The following ARID4B variants were observed in gnomAD, a reference collection of about 807,000 sequenced individuals.
ARID4B encodes AT-rich interaction domain 4B.
In ARID4B, 26 loss-of-function variants were observed where a neutral mutation model predicts 147.5. The ratio of observed to expected loss-of-function variants is 0.18; its 90% CI spans 0.13 to 0.24. ARID4B has a LOEUF of 0.24. Ranked by LOEUF, ARID4B falls within the 10% of genes least tolerant of loss-of-function variation. ARID4B has a pLI of 1.00. For missense variants in ARID4B, 1,179 were observed against 1,511.5 expected, an observed-to-expected ratio of 0.78 and a Z score of 3.65; for synonymous variants, 512 against 507.9, an observed-to-expected ratio of 1.01 and a Z score of -0.11.
At chr1:235,224,922 C>A in intron 11 of ARID4B, 147 bp from the exon 12 acceptor site, 1 of 601,826 alleles carries the variant, frequency 1.7e-6, no homozygotes, top group Non-Finnish European at 2.9e-6. Flanking sequence ...TAACACTAAG[C>A]TGTTCAAAAC....
intron 17 of ARID4B, among the ~76,000 whole-genome samples, chr1:235,196,564 G>T (rs10489690): frequency 2.0e-5 from 3 of 151,970 alleles, no homozygotes; most frequent in African/African-American, 7.3e-5. Flanking sequence ...GAAAAGCACC[G>T]TATTACAGCC....
chr1:235,186,485 A>G (rs1664693979), intron 19 of ARID4B, among the ~76,000 whole-genome samples: 1 of 150,524 alleles, frequency 6.6e-6, no homozygotes, highest in African/African-American at 2.4e-5. Flanking sequence ...ATCTCAGTTC[A>G]CTACAACCTC....
chr1:235,224,340 T>C (rs1667690357), intron 12 of ARID4B, among the ~76,000 whole-genome samples: 2 of 152,204 alleles, frequency 1.3e-5, no homozygotes. Context: ...TTCTGGCAGA[T>C]TAAATAAGCT....
intron 16 of ARID4B, among the ~76,000 whole-genome samples, chr1:235,219,490 A>G (rs1297498074): frequency 2.0e-5 from 3 of 152,224 alleles, no homozygotes; most frequent in Non-Finnish European, 4.4e-5. Context: ...AAACATGGAC[A>G]TAGCCCCAAG....
chr1:235,309,772 GC>G (rs1673913080), intron 2 of ARID4B, among the ~76,000 whole-genome samples: 2 of 152,284 alleles, frequency 1.3e-5, no homozygotes, highest in African/African-American at 4.8e-5. Flanking sequence ...TCAGATGGTT[GC>G]CGTGTCTGTG....
chr1:235,304,402 G>A (rs182096680), intron 2 of ARID4B, among the ~76,000 whole-genome samples: 1 of 152,158 alleles, frequency 6.6e-6, no homozygotes, highest in Admixed American at 6.5e-5. Context: ...AATACCATCT[G>A]AGCACATACA....
chr1:235,282,910 A>G (rs1278934428), intron 2 of ARID4B, among the ~76,000 whole-genome samples: 1 of 152,084 alleles, frequency 6.6e-6, no homozygotes, highest in African/African-American at 2.4e-5. Flanking sequence ...CCTCCCGAGT[A>G]GTTGGGACTA....
At chr1:235,193,605 G>A (rs1157210516) in intron 19 of ARID4B, among the ~76,000 whole-genome samples, 1 of 152,146 alleles carries the variant, frequency 6.6e-6, no homozygotes, top group African/African-American at 2.4e-5. Flanking sequence ...ATTTTATGGT[G>A]CCCTTGGATC....
chr1:235,246,973 G>A (rs964275120), intron 6 of ARID4B, among the ~76,000 whole-genome samples: 3 of 151,952 alleles, frequency 2.0e-5, no homozygotes, highest in African/African-American at 4.8e-5. Context: ...TCAATCGCAC[G>A]AACAAAAAGC....
In ARID4B at chr1:235,260,723, C is replaced by A; in HGVS notation, c.36G>T (p.Val12=). The change falls in exon 3 of 24, where the codon GTG becomes GTT. Residue 12 remains valine (V), a synonymous_variant. Coordinates refer to ENST00000264183, the MANE Select transcript of ARID4B (RefSeq NM_016374.6). The part of the protein sequence containing the change: ...KALDEPPYLT[V]GTDVSAKYRG... ...TGTATTTAGCACTCACATCAGTGCCCACTGTCAAATAGGGAGGCTCATCAA... is the reference window on the plus strand; with the variant it reads ...TGTATTTAGCACTCACATCAGTGCCAACTGTCAAATAGGGAGGCTCATCAA... 1 of 1,610,318 alleles carries A rather than the reference C, an allele frequency of 6.2e-7. No homozygotes were observed. Among genetic ancestry groups the A allele is most frequent in the Non-Finnish European group, 8.5e-7 (1 of 1,179,046 alleles).
At chr1:235,287,386 G>A (rs1672047819) in intron 2 of ARID4B, among the ~76,000 whole-genome samples, 2 of 152,126 alleles carry the variant, frequency 1.3e-5, no homozygotes, top group South Asian at 4.1e-4. Flanking sequence ...AACTGCAGGG[G>A]AGGTTGTAGT....
At chr1:235,176,435 AC>A (rs1213763920) in intron 21 of ARID4B, among the ~76,000 whole-genome samples, 1 of 112,376 alleles carries the variant, frequency 8.9e-6, no homozygotes, top group Non-Finnish European at 1.8e-5. Context: ...TAACAACATC[AC>A]CAAAAAAAAA....
intron 12 of ARID4B, 109 bp from the exon 13 acceptor site, chr1:235,223,369 G>GTATATATATATACACGTA (rs1553295923): frequency 3.6e-5 from 6 of 166,124 alleles, no homozygotes; most frequent in Non-Finnish European, 4.5e-5. Context: ...ATATATACAC[G>GTATATATATATACACGTA]TATATATATA....
Position 235,167,397 on chromosome 1 carries a change from AG to A in ARID4B, c.*1127del, listed in dbSNP as rs1215992295. ...TTACAAAGGTGAAGAATTAAATACA[AG>A]TGCCAAACAGAACAGAGATTGGAAT... On this transcript the variant is annotated 3_prime_UTR_variant, in exon 24 of 24. Transcript: ENST00000264183. The A allele has an allele frequency of 4.5e-6, 1 of 221,996 alleles. No individual in the cohort carries two copies. The highest frequency in any genetic ancestry group is 9.0e-6 in the Non-Finnish European group (1 of 110,776). 13.8% of individuals were successfully genotyped at this position (221,996 alleles called of 1,614,324 possible).
At chr1:235,325,391 G>GA (rs1205126733) in intron 2 of ARID4B, among the ~76,000 whole-genome samples, 1 of 149,608 alleles carries the variant, frequency 6.7e-6, no homozygotes, top group Non-Finnish European at 1.5e-5. Context: ...ACGAAAGGAA[G>GA]AAAAAAAACA....
intron 2 of ARID4B, among the ~76,000 whole-genome samples, chr1:235,320,455 C>T (rs1674743753): frequency 6.6e-6 from 1 of 152,198 alleles, no homozygotes; most frequent in African/African-American, 2.4e-5. Context: ...ACCACCATCT[C>T]TCCCCAGGAC....
At chr1:235,302,214 GAAGGGGAAGGGA>G (rs1236710331) in intron 2 of ARID4B, among the ~76,000 whole-genome samples, 2 of 138,658 alleles carry the variant, frequency 1.4e-5, no homozygotes, top group East Asian at 2.1e-4. Context: ...AAAAGGAAGG[GAAGGGGAAGGGA>G]AAGGGGAAGG....
At chr1:235,184,317 C>A (rs1441506656) in intron 19 of ARID4B, among the ~76,000 whole-genome samples, 1 of 151,996 alleles carries the variant, frequency 6.6e-6, no homozygotes, top group Admixed American at 6.6e-5. Flanking sequence ...AACAGACCAT[C>A]TCATTCAATC....
At chr1:235,321,862 A>G (rs775972899) in intron 2 of ARID4B, among the ~76,000 whole-genome samples, 3 of 151,660 alleles carry the variant, frequency 2.0e-5, no homozygotes, top group Non-Finnish European at 4.4e-5. Flanking sequence ...GCATTAGTTC[A>G]GGCCCTTATT....
Sources: gnomAD v4.1 joint callset for allele counts (sites outside exome capture counted in the v4.1 genomes callset) on GRCh38, gnomAD v4.1.1 for gene constraint, MANE v1.5 for transcripts, NCBI Gene and HGNC (gene_info 2026-07-23, HGNC 2026-07-21) for gene names.